CLINT1: variants seen among roughly 807,000 people sequenced by gnomAD.
CLINT1 encodes clathrin interacting protein localized in the trans-Golgi region.
A neutral mutation model predicts 70.4 loss-of-function variants in CLINT1; 15 were observed. The observed-to-expected ratio is 0.21, with a 90% CI of 0.14 to 0.33. The LOEUF is 0.33. Ranked by LOEUF, CLINT1 falls within the 10% of genes least tolerant of loss-of-function variation. The pLI, the probability that CLINT1 is intolerant of heterozygous loss-of-function variation, is 1.00. For missense variants in CLINT1, 615 were observed against 778.1 expected (o/e 0.79, Z 2.49); for synonymous variants, 227 against 254.7 (o/e 0.89, Z 1.04).
intron 1 of CLINT1, 36 bp from the exon 2 acceptor site, chr5:157,817,583 A>G (rs755738784): frequency 1.6e-5 from 21 of 1,333,356 alleles, no homozygotes; most frequent in Non-Finnish European, 2.0e-5. Context: ...ACATGCACAA[A>G]GATTAGCATC....
intron 10 of CLINT1, chr5:157,790,079 A>G: frequency 6.1e-6 from 1 of 164,368 alleles, no homozygotes; most frequent in Non-Finnish European, 1.3e-5. Context: ...ACATGCCTGT[A>G]GTCCCAGCTA....
At chr5:157,818,920 C>CT (rs1477925957) in intron 1 of CLINT1, among the ~76,000 whole-genome samples, 3 of 152,224 alleles carry the variant, frequency 2.0e-5, no homozygotes, top group East Asian at 3.9e-4. Context: ...ATTGTTATAA[C>CT]AGGTGTCTGT....
intron 4 of CLINT1, among the ~76,000 whole-genome samples, chr5:157,813,606 T>C (rs1432497098): frequency 6.6e-6 from 1 of 152,228 alleles, no homozygotes; most frequent in Non-Finnish European, 1.5e-5. Context: ...AGAACCACTT[T>C]AGCATGTTAA....
At chr5:157,824,290 C>G (rs187496395) in intron 1 of CLINT1, among the ~76,000 whole-genome samples, 2 of 152,322 alleles carry the variant, frequency 1.3e-5, no homozygotes, top group Admixed American at 6.5e-5. Context: ...AGGTTCAATA[C>G]TCGTATTTTA....
chr5:157,838,140 A>C (rs1581532150), intron 1 of CLINT1, among the ~76,000 whole-genome samples: 1 of 81,790 alleles, frequency 1.2e-5, no homozygotes, highest in South Asian at 3.8e-4. Flanking sequence ...TTTTTTTTTG[A>C]GATGGAGTCT....
chr5:157,828,807 G>T (rs1763119434), intron 1 of CLINT1, among the ~76,000 whole-genome samples: 1 of 151,512 alleles, frequency 6.6e-6, no homozygotes, highest in African/African-American at 2.4e-5. Flanking sequence ...AACTAAAAAG[G>T]GCCGGGCACG....
chr5:157,826,450 C>A (rs1763042197), intron 1 of CLINT1, among the ~76,000 whole-genome samples: 1 of 151,934 alleles, frequency 6.6e-6, no homozygotes, highest in Non-Finnish European at 1.5e-5. Flanking sequence ...ATTTTCTGTC[C>A]ATGAATTATC....
intron 3 of CLINT1, among the ~76,000 whole-genome samples, chr5:157,815,756 A>G (rs927996458): frequency 2.6e-5 from 4 of 152,246 alleles, no homozygotes; most frequent in Non-Finnish European, 5.9e-5. Context: ...CTGACAATCT[A>G]TAAGACAACC....
At chr5:157,846,285 T>A (rs1753375026) in intron 1 of CLINT1, among the ~76,000 whole-genome samples, 1 of 152,192 alleles carries the variant, frequency 6.6e-6, no homozygotes, top group East Asian at 1.9e-4. Context: ...AAATTTAAAG[T>A]GCTAGTCTAG....
At position 157,807,124 on chromosome 5, in the gene CLINT1, G is replaced by A. The variant is rs952002714; in HGVS notation, c.696-1012C>T. ...TAAAATTCTCCTTTAAACTGCTGAT[G>A]CAATTTACCTCAGACTGAACTATAG... On this transcript the variant is annotated intron_variant, in intron 6 of 11. Transcript: ENST00000411809. Among the ~76,000 whole-genome samples, 4 of 116,832 alleles carry A rather than the reference G, an allele frequency of 3.4e-5. No individual in the cohort carries two copies. In the South Asian group the frequency reaches 1.1e-3, roughly 31 times the overall value. 76.6% of individuals were successfully genotyped at this position (116,832 alleles called of 152,430 possible).
chr5:157,787,589 C>T lies in CLINT1; in HGVS notation c.*57G>A. On this transcript the variant is annotated 3_prime_UTR_variant, in exon 12 of 12. Coordinates refer to ENST00000411809, the MANE Select transcript of CLINT1 (RefSeq NM_014666.4). ...AGTTGATTAGCATTTTCCATCCCAA[C>T]ATCACCTATCTGCACAGCTAAAAAT... 4 of 1,374,994 alleles carry T rather than the reference C, an allele frequency of 2.9e-6. No homozygotes were observed. In the Admixed American group the frequency reaches 5.5e-5, roughly 19 times the overall value. The allele number at this position is 1,374,994 out of a possible 1,614,324, so 85.2% of individuals were successfully genotyped here.
In CLINT1 at chr5:157,849,812, T is replaced by C. The variant is rs139607533; in HGVS notation, c.41+9118A>G. Among the ~76,000 whole-genome samples, 314 of 152,336 alleles carry C rather than the reference T, an allele frequency of 2.1e-3. 4 individuals are homozygous for C. Among genetic ancestry groups the C allele is most frequent in the Non-Finnish European group, 6.9e-4 (47 of 68,036 alleles). ...ATTAGAAATATCTGGATTTAAAGGA[T>C]ATCCTCTGTAATAAATATCAACTTA... is the stretch of plus-strand genomic sequence containing the variant. On this transcript the variant is annotated intron_variant, in intron 1 of 11. Coordinates refer to ENST00000411809, the MANE Select transcript of CLINT1 (RefSeq NM_014666.4).
chr5:157,809,601 G>T (rs1385556971), intron 6 of CLINT1, 27 bp downstream of exon 6: 1 of 1,561,592 alleles, frequency 6.4e-7, no homozygotes, highest in African/African-American at 1.4e-5. Context: ...CTTTCTAAGA[G>T]ACCCGGGAGA....
rs1581495555 is a variant in CLINT1 at position 157,809,751 on chromosome 5, T to C, written c.572A>G (p.Asn191Ser). ...ATCACTGAATGGAAAAGCACTCTTGTTTTTATCCCACTCCTCATCCCATTT... is the reference window on the plus strand; with the variant it reads ...ATCACTGAATGGAAAAGCACTCTTGCTTTTATCCCACTCCTCATCCCATTT... The part of the protein sequence containing the change: ...KSKWDEEWDK[N>S]KSAFPFSDKL... The change falls in exon 6 of 12, where the codon AAC (asparagine) becomes AGC (serine). Residue 191 changes from asparagine (N) to serine (S), a missense_variant. Physicochemically the swap from Asn to Ser is conservative, Grantham distance 46. Transcript: ENST00000411809. 5.0e-6 allele frequency: 8 copies of C among 1,613,526 alleles called. No homozygotes were observed. Among genetic ancestry groups the C allele is most frequent in the East Asian group, 2.2e-5 (1 of 44,846 alleles).
chr5:157,818,780 G>T (rs111528796), intron 1 of CLINT1, among the ~76,000 whole-genome samples: 20 of 152,216 alleles, frequency 1.3e-4, no homozygotes, highest in African/African-American at 4.3e-4. Context: ...AAAATATTTG[G>T]TTAAAATGGA....
chr5:157,814,039 G>C (rs1034316434), intron 4 of CLINT1, 146 bp downstream of exon 4: 3 of 618,974 alleles, frequency 4.8e-6, no homozygotes, highest in Non-Finnish European at 5.8e-6. Context: ...TAATACTCTA[G>C]GGCCCCACGT....
At chr5:157,817,969 TG>T (rs1445613791) in intron 1 of CLINT1, among the ~76,000 whole-genome samples, 1 of 152,238 alleles carries the variant, frequency 6.6e-6, no homozygotes, top group Non-Finnish European at 1.5e-5. Flanking sequence ...GGCAAAATTA[TG>T]TAACAGCTGA....
intron 1 of CLINT1, among the ~76,000 whole-genome samples, chr5:157,849,150 A>G (rs1753487033): frequency 6.6e-6 from 1 of 152,182 alleles, no homozygotes; most frequent in African/African-American, 2.4e-5. Flanking sequence ...ATCGAGCAGC[A>G]TTGCATGCTA....
chr5:157,844,470 C>G (rs1753300842), intron 1 of CLINT1, among the ~76,000 whole-genome samples: 1 of 152,120 alleles, frequency 6.6e-6, no homozygotes, highest in South Asian at 2.1e-4. Context: ...TTATAGTACT[C>G]TACAGGGCTT....
Sources: gnomAD v4.1 joint callset for allele counts (sites outside exome capture counted in the v4.1 genomes callset) on GRCh38, gnomAD v4.1.1 for gene constraint, MANE v1.5 for transcripts, NCBI Gene and HGNC (gene_info 2026-07-23, HGNC 2026-07-21) for gene names.